The following GALNTL5 variants were observed in gnomAD, a reference collection of about 807,000 sequenced individuals.
The protein encoded by GALNTL5 is polypeptide N-acetylgalactosaminyltransferase like 5.
GALNTL5 carries 44 observed loss-of-function variants against 51.0 expected under a neutral mutation model. That is an observed-to-expected ratio of 0.86 (90% confidence interval 0.68 to 1.11). The LOEUF (loss-of-function observed/expected upper bound fraction) is 1.11, where lower values mean the gene tolerates loss of function less well. Among genes scored for constraint, GALNTL5 ranks in the 50% least tolerant of loss-of-function variants. The pLI is 0.00. For synonymous variants in GALNTL5, 192 were observed against 182.8 expected (o/e 1.05, Z -0.41); for missense variants, 528 against 531.8 (o/e 0.99, Z 0.07).
At position 152,009,180 on chromosome 7, in the gene GALNTL5, G is replaced by C. The variant is rs1392474838; in HGVS notation, c.1026+1236G>C. ...GACACTGGCAGCTGTCTCTAACCACGACAAGTAACCTTGTCTTTCCTGAGA... is the reference window on the plus strand; with the variant it reads ...GACACTGGCAGCTGTCTCTAACCACCACAAGTAACCTTGTCTTTCCTGAGA... On this transcript the variant is annotated intron_variant, in intron 7 of 8. Coordinates refer to ENST00000392800, the MANE Select transcript of GALNTL5 (RefSeq NM_145292.4). Among the ~76,000 whole-genome samples, 3 of 152,066 alleles carry C rather than the reference G, an allele frequency of 2.0e-5. No individual in the cohort carries two copies. In the South Asian group the frequency reaches 6.2e-4, roughly 32 times the overall value.
intron 5 of GALNTL5, 84 bp from the exon 6 acceptor site, chr7:152,002,630 A>C: frequency 1.4e-6 from 2 of 1,444,490 alleles, no homozygotes; most frequent in Non-Finnish European, 1.9e-6. Flanking sequence ...TGCTCAAGAA[A>C]TATTCATCAC....
intron 7 of GALNTL5, among the ~76,000 whole-genome samples, chr7:152,009,625 GGTT>G (rs1480277890): frequency 6.6e-6 from 1 of 152,084 alleles, no homozygotes; most frequent in Non-Finnish European, 1.5e-5. Flanking sequence ...AAGCCACACT[GGTT>G]GTTAACATAA....
intron 7 of GALNTL5, among the ~76,000 whole-genome samples, chr7:152,009,502 G>C (rs781586100): frequency 2.0e-5 from 3 of 152,192 alleles, no homozygotes; most frequent in Non-Finnish European, 2.9e-5. Context: ...TTCTGCTGTG[G>C]CTCATCTCTT....
intron 7 of GALNTL5, among the ~76,000 whole-genome samples, chr7:152,012,192 A>C (rs2081745881): frequency 6.6e-6 from 1 of 152,238 alleles, no homozygotes; most frequent in Admixed American, 6.5e-5. Context: ...AGAAGCCCAA[A>C]TTCAGTGGGT....
In GALNTL5 at chr7:151,992,726, G is replaced by C. The variant is rs2081442913; in HGVS notation, c.658+5445G>C. Among the ~76,000 whole-genome samples the C allele has an allele frequency of 2.0e-5, 3 of 152,246 alleles. No homozygotes were observed. The South Asian group carries it at 6.2e-4, about 32-fold the overall frequency. On this transcript the variant is annotated intron_variant, in intron 5 of 8. Coordinates refer to ENST00000392800, the MANE Select transcript of GALNTL5 (RefSeq NM_145292.4). ...TAGGACTTGAAAATATCGTTTTGGGGAACACAGTTCAACCCGTAGCACTAC... is the reference window on the plus strand; with the variant it reads ...TAGGACTTGAAAATATCGTTTTGGGCAACACAGTTCAACCCGTAGCACTAC...
At chr7:152,015,116 C>T (rs928642651) in intron 8 of GALNTL5, among the ~76,000 whole-genome samples, 3 of 152,030 alleles carry the variant, frequency 2.0e-5, no homozygotes, top group Non-Finnish European at 4.4e-5. Context: ...GAATACAGCA[C>T]CCCTCTAACC....
intron 6 of GALNTL5, among the ~76,000 whole-genome samples, chr7:152,005,907 A>T (rs899276625): frequency 1.3e-5 from 2 of 152,168 alleles, no homozygotes; most frequent in Non-Finnish European, 2.9e-5. Context: ...GGATTCAATC[A>T]TGAGTCTGGA....
At chr7:151,967,082 A>T (rs896257237) in intron 1 of GALNTL5, 126 bp from the exon 2 acceptor site, 36 of 591,826 alleles carry the variant, frequency 6.1e-5, no homozygotes, top group Middle Eastern at 4.5e-4. Flanking sequence ...GACACACTTT[A>T]TGTATATGAT....
intron 3 of GALNTL5, among the ~76,000 whole-genome samples, chr7:151,980,832 G>A (rs1347810135): frequency 8.0e-6 from 1 of 124,738 alleles, no homozygotes; most frequent in Non-Finnish European, 1.6e-5. Context: ...TGCAAGCTCC[G>A]CCTCCTGGGT....
intron 1 of GALNTL5, among the ~76,000 whole-genome samples, chr7:151,966,680 T>C (rs2081064761): frequency 6.6e-6 from 1 of 152,218 alleles, no homozygotes; most frequent in Non-Finnish European, 1.5e-5. Flanking sequence ...TTAGGATATA[T>C]CCCTAAGGAT....
chr7:151,997,074 G>A (rs1287825887), intron 5 of GALNTL5, among the ~76,000 whole-genome samples: 1 of 152,198 alleles, frequency 6.6e-6, no homozygotes, highest in African/African-American at 2.4e-5. Flanking sequence ...ACTACGACAG[G>A]AGAGCAGAAA....
intron 6 of GALNTL5, among the ~76,000 whole-genome samples, chr7:152,004,304 A>G (rs1444244551): frequency 2.0e-5 from 3 of 150,750 alleles, no homozygotes. Context: ...TTGTGTGATT[A>G]AATATGTACC....
chr7:151,978,582 A>G (rs886568515), intron 3 of GALNTL5, among the ~76,000 whole-genome samples: 5 of 152,210 alleles, frequency 3.3e-5, no homozygotes, highest in African/African-American at 1.2e-4. Context: ...TTGGTTTGGT[A>G]GGGCTGCTAT....
chr7:151,963,353 T>C (rs529672672), intron 1 of GALNTL5, among the ~76,000 whole-genome samples: 2 of 152,360 alleles, frequency 1.3e-5, no homozygotes, highest in South Asian at 2.1e-4. Flanking sequence ...GCCATTTTCT[T>C]GTGCATTTCA....
intron 1 of GALNTL5, among the ~76,000 whole-genome samples, chr7:151,956,890 A>G (rs1224537554): frequency 6.6e-6 from 1 of 152,176 alleles, no homozygotes; most frequent in Non-Finnish European, 1.5e-5. Context: ...TAATGTTTAT[A>G]CAGTGACTGT....
chr7:152,019,268 C>T (rs558760486), intron 8 of GALNTL5, among the ~76,000 whole-genome samples: 2 of 152,292 alleles, frequency 1.3e-5, no homozygotes, highest in East Asian at 3.9e-4. Context: ...ACTACATCAT[C>T]CCCCATTTCT....
chr7:151,977,639 A>T (rs2081224022), intron 3 of GALNTL5, among the ~76,000 whole-genome samples: 1 of 152,170 alleles, frequency 6.6e-6, no homozygotes, highest in Non-Finnish European at 1.5e-5. Context: ...GACTCTCTGA[A>T]ATAATTGGGA....
intron 5 of GALNTL5, among the ~76,000 whole-genome samples, chr7:151,994,124 ATC>A (rs2081462076): frequency 6.6e-6 from 1 of 152,074 alleles, no homozygotes; most frequent in Non-Finnish European, 1.5e-5. Context: ...AGCACTTGCC[ATC>A]TCTCAGCCTG....
intron 3 of GALNTL5, among the ~76,000 whole-genome samples, chr7:151,979,813 C>A (rs1442570499): frequency 6.6e-6 from 1 of 152,012 alleles, no homozygotes; most frequent in South Asian, 2.1e-4. Flanking sequence ...TTTGAGAAAC[C>A]CACACACACC....
Sources: gnomAD v4.1 joint callset for allele counts (sites outside exome capture counted in the v4.1 genomes callset) on GRCh38, gnomAD v4.1.1 for gene constraint, MANE v1.5 for transcripts, NCBI Gene and HGNC (gene_info 2026-07-23, HGNC 2026-07-21) for gene names.